The following PPP2R2B variants were observed in gnomAD, a reference collection of about 807,000 sequenced individuals.
PPP2R2B encodes the protein serine/threonine-protein phosphatase 2A 55 kDa regulatory subunit B beta isoform.
PPP2R2B carries 5 observed loss-of-function variants against 46.0 expected under a neutral mutation model. That is an observed-to-expected ratio of 0.11 (90% confidence interval 0.06 to 0.23). PPP2R2B has a LOEUF of 0.23. Ranked by LOEUF, PPP2R2B falls within the 10% of genes least tolerant of loss-of-function variation. The pLI, the probability that PPP2R2B is intolerant of heterozygous loss-of-function variation, is 1.00. For missense variants in PPP2R2B, 367 were observed against 575.0 expected (o/e 0.64, Z 3.70); for synonymous variants, 215 against 206.7 (o/e 1.04, Z -0.34).
chr5:146,655,053 G>T (rs1561807408), intron 5 of PPP2R2B, among the ~76,000 whole-genome samples: 2 of 152,176 alleles, frequency 1.3e-5, no homozygotes, highest in Non-Finnish European at 2.9e-5. Context: ...TGAGCGGTCA[G>T]TCCTTGGCCT....
chr5:147,004,836 G>A lies in PPP2R2B; in HGVS notation c.79+50829C>T, dbSNP rs140092859. On this transcript the variant is annotated intron_variant, in intron 1 of 8. Transcript: ENST00000336640. ...GCTCTTGTGGTCCTTACTCAGACTCGTGGGACAACCCCACAACCAGTGGCA... is the reference window on the plus strand; with the variant it reads ...GCTCTTGTGGTCCTTACTCAGACTCATGGGACAACCCCACAACCAGTGGCA... Among the ~76,000 whole-genome samples the A allele has an allele frequency of 1.4e-3, 214 of 152,228 alleles. 1 individual carries two copies. The highest frequency in any genetic ancestry group is 5.0e-3 in the African/African-American group (207 of 41,530).
intron 2 of PPP2R2B, among the ~76,000 whole-genome samples, chr5:146,717,434 C>A (rs1405564965): frequency 6.6e-6 from 1 of 152,196 alleles, no homozygotes; most frequent in Non-Finnish European, 1.5e-5. Context: ...TTCCAACACA[C>A]ACCATAGCAG....
intron 7 of PPP2R2B, among the ~76,000 whole-genome samples, chr5:146,601,471 C>A (rs779113698): frequency 2.0e-5 from 3 of 152,066 alleles, no homozygotes; most frequent in African/African-American, 7.2e-5. Flanking sequence ...TGCCTGTGGT[C>A]CCAGCTACTT....
intron 2 of PPP2R2B, among the ~76,000 whole-genome samples, chr5:146,706,053 C>A (rs1033741551): frequency 6.6e-6 from 1 of 151,846 alleles, no homozygotes; most frequent in Non-Finnish European, 1.5e-5. Context: ...GGGCGGGGGT[C>A]CCCAGGCAGT....
chr5:147,000,426 C>T (rs1754117846), intron 1 of PPP2R2B, among the ~76,000 whole-genome samples: 1 of 152,136 alleles, frequency 6.6e-6, no homozygotes, highest in Non-Finnish European at 1.5e-5. Context: ...GTTCCTGCTC[C>T]TGTAAATGTG....
intron 1 of PPP2R2B, among the ~76,000 whole-genome samples, chr5:146,888,780 T>A (rs952530009): frequency 1.3e-5 from 2 of 152,056 alleles, no homozygotes; most frequent in African/African-American, 4.8e-5. Flanking sequence ...AGGAGAACAC[T>A]CCCACTCCAA....
intron 9 of PPP2R2B, 60 bp from the exon 10 acceptor site, chr5:146,590,286 A>T: frequency 6.7e-7 from 1 of 1,490,664 alleles, no homozygotes; most frequent in Admixed American, 1.8e-5. Flanking sequence ...TTTGGAGCAA[A>T]TGATACCATG....
rs115381146 is a variant in PPP2R2B at position 146,635,475 on chromosome 5, C to T, written c.790+2776G>A. 3.8e-3 allele frequency among the ~76,000 whole-genome samples: 573 copies of T among 152,272 alleles called. 4 individuals carry two copies. The highest frequency in any genetic ancestry group is 0.016 in the South Asian group (77 of 4,820). On this transcript the variant is annotated intron_variant, in intron 7 of 9. Transcript: ENST00000394411. Reference sequence around the variant, plus strand: ...CTTGTGTTCAGTTCATCAAGCTTCCCAGTCAGTTGATTCCCCAATATCCAG... The same window carrying T: ...CTTGTGTTCAGTTCATCAAGCTTCCTAGTCAGTTGATTCCCCAATATCCAG...
chr5:146,724,188 C>T (rs955500858), intron 2 of PPP2R2B, among the ~76,000 whole-genome samples: 1 of 152,068 alleles, frequency 6.6e-6, no homozygotes, highest in African/African-American at 2.4e-5. Context: ...GTGTTAAGCC[C>T]ATGGACTTAG....
intron 2 of PPP2R2B, among the ~76,000 whole-genome samples, chr5:146,833,536 C>A (rs1181376792): frequency 6.6e-6 from 1 of 152,166 alleles, no homozygotes; most frequent in Non-Finnish European, 1.5e-5. Context: ...TTCAATGTGA[C>A]AAGGCAGTGT....
intron 2 of PPP2R2B, among the ~76,000 whole-genome samples, chr5:146,840,105 T>G (rs1759538603): frequency 6.6e-6 from 1 of 152,204 alleles, no homozygotes; most frequent in African/African-American, 2.4e-5. Context: ...TGATTCTGTT[T>G]TTTTCTATGA....
chr5:147,048,286 A>G (rs973028464), intron 1 of PPP2R2B, among the ~76,000 whole-genome samples: 1 of 152,176 alleles, frequency 6.6e-6, no homozygotes, highest in African/African-American at 2.4e-5. Flanking sequence ...CTCTGGAGTC[A>G]GGCAGTATGG....
At chr5:146,786,913 CTT>C (rs1322391617) in intron 2 of PPP2R2B, among the ~76,000 whole-genome samples, 1 of 152,152 alleles carries the variant, frequency 6.6e-6, no homozygotes, top group African/African-American at 2.4e-5. Flanking sequence ...AACAACAACT[CTT>C]GTTATCTATG....
At chr5:146,627,826 C>G (rs1477645060) in intron 7 of PPP2R2B, among the ~76,000 whole-genome samples, 1 of 152,212 alleles carries the variant, frequency 6.6e-6, no homozygotes, top group East Asian at 1.9e-4. Flanking sequence ...CTACTACACC[C>G]ACCTTTGGAG....
chr5:146,872,768 A>G (rs1296393813), intron 2 of PPP2R2B, among the ~76,000 whole-genome samples: 1 of 152,166 alleles, frequency 6.6e-6, no homozygotes, highest in Non-Finnish European at 1.5e-5. Context: ...GTATTACTTG[A>G]ATAATATCAG....
intron 1 of PPP2R2B, among the ~76,000 whole-genome samples, chr5:146,952,270 A>G (rs1055809777): frequency 3.3e-5 from 5 of 152,062 alleles, no homozygotes; most frequent in Admixed American, 3.3e-4. Flanking sequence ...ACCAAGATAA[A>G]CAACACCATA....
intron 1 of PPP2R2B, among the ~76,000 whole-genome samples, chr5:146,922,044 T>C (rs901173871): frequency 6.6e-6 from 1 of 152,216 alleles, no homozygotes; most frequent in African/African-American, 2.4e-5. Context: ...GATTCATCCC[T>C]AGGTCTGAAA....
At chr5:146,725,547 A>G (rs994575567) in intron 2 of PPP2R2B, among the ~76,000 whole-genome samples, 2 of 152,202 alleles carry the variant, frequency 1.3e-5, no homozygotes, top group African/African-American at 4.8e-5. Context: ...TTATAAGTTG[A>G]CCATAAAACA....
rs1756693694 is a variant in PPP2R2B at position 147,049,421 on chromosome 5, A to C, written c.79+6244T>G. Among the ~76,000 whole-genome samples, 3 of 152,014 alleles carry C rather than the reference A, an allele frequency of 2.0e-5. No homozygotes were observed. In the South Asian group the frequency reaches 6.2e-4, roughly 32 times the overall value. On this transcript the variant is annotated intron_variant, in intron 1 of 8. Transcript: ENST00000336640. ...TCAACAGGTCTGTTTTGAGATCTCT[A>C]CTATGCATCTGATTGGAAAGGTTGG...
Sources: allele counts gnomAD v4.1 joint callset (sites outside exome capture counted in the v4.1 genomes callset), GRCh38; gene constraint gnomAD v4.1.1; transcripts MANE v1.5; gene names NCBI Gene and HGNC (gene_info 2026-07-23, HGNC 2026-07-21).